NUP42: variants seen among roughly 807,000 people sequenced by gnomAD.
NUP42 encodes nucleoporin 42.
In NUP42, 47 loss-of-function variants were observed where a neutral mutation model predicts 35.9. The ratio of observed to expected loss-of-function variants is 1.31; its 90% CI spans 1.04 to 1.67. The LOEUF is 1.67. Ranked by LOEUF, NUP42 falls within the 40% of genes most tolerant of loss-of-function variation. The pLI is 0.00. For synonymous variants in NUP42, 173 were observed against 173.3 expected (o/e 1.00, Z 0.01); for missense variants, 514 against 492.2 (o/e 1.04, Z -0.42).
In NUP42 at chr7:23,195,929, C is replaced by CGGAA; in HGVS notation, c.522+14_522+15insGGAA. On this transcript the variant is annotated intron_variant, in intron 4 of 6. Coordinates refer to ENST00000258742, the MANE Select transcript of NUP42 (RefSeq NM_007342.3). Reference sequence around the variant, plus strand: ...TTACAGAGTTATGTAAGTTTGTTTCCTATTAATCTACTGCAATAACAGATG... The same window carrying CGGAA: ...TTACAGAGTTATGTAAGTTTGTTTCCGGAATATTAATCTACTGCAATAACAGATG... 1 of 1,512,762 alleles carries CGGAA rather than the reference C, an allele frequency of 6.6e-7. No homozygotes were observed. Among genetic ancestry groups the CGGAA allele is most frequent in the Non-Finnish European group, 9.1e-7 (1 of 1,099,120 alleles). The allele number at this position is 1,512,762 out of a possible 1,614,324, so 93.7% of individuals were successfully genotyped here.
chr7:23,187,300 C>T (rs1785626352), intron 3 of NUP42, 154 bp downstream of exon 3: 1 of 547,900 alleles, frequency 1.8e-6, no homozygotes, highest in East Asian at 3.0e-5. Flanking sequence ...AGCCAAACTT[C>T]ATAATTTAGA....
At chr7:23,197,174 A>G in intron 5 of NUP42, 1 of 1,293,840 alleles carries the variant, frequency 7.7e-7, no homozygotes, top group South Asian at 1.2e-5. Flanking sequence ...CTTAAACAGA[A>G]ATGCCTTTGG....
chr7:23,196,990 G>A (rs1786034907), intron 5 of NUP42, among the ~76,000 whole-genome samples: 1 of 152,162 alleles, frequency 6.6e-6, no homozygotes, highest in Admixed American at 6.5e-5. Flanking sequence ...AAGCTTTTTA[G>A]GGTAAAGTTT....
At chr7:23,199,621 G>A (rs1470036631) in intron 6 of NUP42, 79 bp downstream of exon 6, 17 of 1,189,988 alleles carry the variant, frequency 1.4e-5, no homozygotes, top group African/African-American at 6.1e-5. Context: ...AGCCTGAATC[G>A]CCATTTTAAA....
At chr7:23,197,929 A>AGTGGTTGCC (rs1407831597) in intron 5 of NUP42, among the ~76,000 whole-genome samples, 5 of 151,876 alleles carry the variant, frequency 3.3e-5, no homozygotes, top group Non-Finnish European at 7.4e-5. Context: ...AAGCAGACAG[A>AGTGGTTGCC]GTGGTTGCCA....
chr7:23,187,935 TG>T, intron 3 of NUP42: 4 of 479,280 alleles, frequency 8.3e-6, no homozygotes, highest in East Asian at 4.0e-5. Flanking sequence ...GAATATTCTC[TG>T]TCTCTCTCTC....
At chr7:23,187,940 CT>C in intron 3 of NUP42, 5 of 267,080 alleles carry the variant, frequency 1.9e-5, no homozygotes, top group Admixed American at 5.4e-5. Context: ...TTCTCTGTCT[CT>C]CTCTCTCTCT....
At chr7:23,193,783 G>C (rs1417177043) in intron 3 of NUP42, among the ~76,000 whole-genome samples, 1 of 152,226 alleles carries the variant, frequency 6.6e-6, no homozygotes, top group Non-Finnish European at 1.5e-5. Flanking sequence ...GGAGCAGGGG[G>C]TGGCGCTCCT....
At chr7:23,186,351 C>A (rs1335592606) in intron 2 of NUP42, among the ~76,000 whole-genome samples, 1 of 151,998 alleles carries the variant, frequency 6.6e-6, no homozygotes, top group Admixed American at 6.6e-5. Flanking sequence ...CAAACAAAAC[C>A]TTCCTTTCTG....
At chr7:23,186,548 T>C (rs1233504865) in intron 2 of NUP42, among the ~76,000 whole-genome samples, 2 of 152,228 alleles carry the variant, frequency 1.3e-5, no homozygotes, top group Admixed American at 6.5e-5. Flanking sequence ...AAATGATCTC[T>C]GAAGTCCTAT....
chr7:23,188,502 C>T (rs1249002633), intron 3 of NUP42: 12 of 985,348 alleles, frequency 1.2e-5, no homozygotes, highest in Non-Finnish European at 1.4e-5. Context: ...GAACCTAATG[C>T]CTGTTGCCCT....
At chr7:23,197,013 G>A (rs1340634709) in intron 5 of NUP42, among the ~76,000 whole-genome samples, 4 of 152,156 alleles carry the variant, frequency 2.6e-5, no homozygotes, top group Non-Finnish European at 5.9e-5. Flanking sequence ...AACTTTGGTA[G>A]TGCTAGTTTT....
At chr7:23,197,207 C>T (rs537260122) in intron 5 of NUP42, 37 of 1,301,600 alleles carry the variant, frequency 2.8e-5, no homozygotes, top group Non-Finnish European at 3.6e-5. Context: ...CACCTGTCTC[C>T]AAAGATCTAT....
At chr7:23,196,852 A>C in intron 5 of NUP42, 86 bp downstream of exon 5, 1 of 915,230 alleles carries the variant, frequency 1.1e-6, no homozygotes, top group Non-Finnish European at 1.7e-6. Flanking sequence ...TGGAAAGCAA[A>C]ACAAAAATTT....
chr7:23,182,605 A>C, intron 1 of NUP42: 2 of 755,226 alleles, frequency 2.6e-6, no homozygotes, highest in South Asian at 1.1e-4. Context: ...CTTTGAAAAA[A>C]TCTAATAAAA....
At chr7:23,192,861 C>T (rs145238847) in intron 3 of NUP42, among the ~76,000 whole-genome samples, 137 of 152,212 alleles carry the variant, frequency 9.0e-4, no homozygotes, top group Middle Eastern at 3.4e-3. Context: ...CCTATGTGTC[C>T]GGAATTGGTG....
intron 5 of NUP42, 88 bp downstream of exon 5, chr7:23,196,854 C>G (rs534621102): frequency 1.2e-6 from 1 of 866,344 alleles, no homozygotes; most frequent in South Asian, 1.5e-5. Context: ...GAAAGCAAAA[C>G]AAAAATTTTC....
At chr7:23,192,208 C>G (rs1785815945) in intron 3 of NUP42, among the ~76,000 whole-genome samples, 1 of 152,072 alleles carries the variant, frequency 6.6e-6, no homozygotes, top group Non-Finnish European at 1.5e-5. Context: ...TCCCCAAAAG[C>G]TTAACTACTA....
intron 5 of NUP42, 160 bp from the exon 6 acceptor site, chr7:23,199,298 C>A: frequency 3.4e-6 from 2 of 586,158 alleles, no homozygotes; most frequent in South Asian, 3.8e-5. Context: ...GCCCTTCACC[C>A]TCCTCAGCCT....
Sources: allele counts gnomAD v4.1 joint callset (sites outside exome capture counted in the v4.1 genomes callset), GRCh38; gene constraint gnomAD v4.1.1; transcripts MANE v1.5; gene names NCBI Gene and HGNC (gene_info 2026-07-23, HGNC 2026-07-21).